COL10A1: variants seen among roughly 807,000 people sequenced by gnomAD.
COL10A1 encodes collagen alpha-1(X) chain.
A neutral mutation model predicts 18.2 loss-of-function variants in COL10A1; 10 were observed. The observed-to-expected ratio is 0.55, with a 90% CI of 0.34 to 0.93. The LOEUF (loss-of-function observed/expected upper bound fraction) is 0.93, where lower values mean the gene tolerates loss of function less well. COL10A1 is among the 40% of genes least tolerant of loss of function. The pLI is 0.02. For missense variants in COL10A1, 897 were observed against 853.5 expected, an observed-to-expected ratio of 1.05 and a Z score of -0.64; for synonymous variants, 330 against 316.6, an observed-to-expected ratio of 1.04 and a Z score of -0.45.
chr6:116,195,764 A>C, the COL10A1 span, among the ~76,000 whole-genome samples: 3 of 152,086 alleles, frequency 2.0e-5, no homozygotes, highest in African/African-American at 7.2e-5. Flanking sequence ...AACAATAGCA[A>C]CTAGTAGCAA....
At position 116,119,894 on chromosome 6, in the gene COL10A1, GT is replaced by G. The variant is rs1188724982; in HGVS notation, c.*178del. On this transcript the variant is annotated 3_prime_UTR_variant, in exon 3 of 3. Transcript: ENST00000651968. ...GAAATTCAAGAGAGGCTTCACATAC[GT>G]TTTTACGTTGCTGCTCACTTTTCAG... is the stretch of plus-strand genomic sequence containing the variant. The G allele has an allele frequency of 3.2e-6, 2 of 631,134 alleles. No individual in the cohort carries two copies. Among genetic ancestry groups the G allele is most frequent in the Non-Finnish European group, 5.5e-6 (2 of 361,142 alleles). The allele number at this position is 631,134 out of a possible 1,614,324, so 39.1% of individuals were successfully genotyped here. A position where few individuals can be genotyped will look rare whatever the true frequency, so the allele number is the denominator to read the frequency against.
upstream of COL10A1, among the ~76,000 whole-genome samples, chr6:116,161,650 G>A (rs1780332488): frequency 6.6e-6 from 1 of 152,188 alleles, no homozygotes; most frequent in Non-Finnish European, 1.5e-5. Flanking sequence ...GTAGTTTGAA[G>A]TCAGGTTATG....
In COL10A1 at chr6:116,121,306, T is replaced by C. The variant is rs925921200; in HGVS notation, c.810A>G (p.Gly270=). 6.2e-7 allele frequency: 1 copy of C among 1,613,824 alleles called. No homozygotes were observed. The change falls in exon 3 of 3, where the codon GGA becomes GGG. Residue 270 remains glycine (G), a synonymous_variant. Coordinates refer to ENST00000651968, the MANE Select transcript of COL10A1 (RefSeq NM_000493.4). The part of the protein sequence containing the change: ...PEGIGKPGAA[G]APGQPGIPGT... ...CTGGAATCCCTGGCTGGCCTGGGGC[T>C]CCAGCAGCTCCTGGCTTTCCAATGC...
the COL10A1 span, among the ~76,000 whole-genome samples, chr6:116,176,723 A>T: frequency 6.6e-6 from 1 of 152,050 alleles, no homozygotes; most frequent in Non-Finnish European, 1.5e-5. Context: ...CCAGCTGCTT[A>T]AGCCTTTTGT....
At chr6:116,177,721 T>G in the COL10A1 span, among the ~76,000 whole-genome samples, 1 of 152,080 alleles carries the variant, frequency 6.6e-6, no homozygotes, top group African/African-American at 2.4e-5. Flanking sequence ...TATTACTAAA[T>G]AATCTAAGTA....
intron 1 of COL10A1, among the ~76,000 whole-genome samples, chr6:116,152,142 C>T (rs1010126514): frequency 1.3e-5 from 2 of 152,052 alleles, no homozygotes; most frequent in African/African-American, 2.4e-5. Context: ...GGATGCAGTG[C>T]CTTCGTTTTC....
chr6:116,169,762 A>G, the COL10A1 span, among the ~76,000 whole-genome samples: 2 of 152,228 alleles, frequency 1.3e-5, no homozygotes, highest in Non-Finnish European at 2.9e-5. Context: ...GGACAATTGG[A>G]CAGACATTTG....
chr6:116,167,889 T>G, the COL10A1 span, among the ~76,000 whole-genome samples: 6 of 152,206 alleles, frequency 3.9e-5, no homozygotes, highest in East Asian at 9.6e-4. Context: ...TATTTCACTT[T>G]CATTCTTAGA....
chr6:116,156,970 A>G (rs1389584644), intron 1 of COL10A1, among the ~76,000 whole-genome samples: 1 of 151,944 alleles, frequency 6.6e-6, no homozygotes, highest in Non-Finnish European at 1.5e-5. Flanking sequence ...GGCCTGCTGC[A>G]TTTTCCTCAT....
rs780425615 is a variant in COL10A1 at position 116,121,970 on chromosome 6, C to T, written c.155-9G>A. ...TCCTCTTACTGCTATACCTAAAAGA[C>T]ACACCCAACACACCCACCCATAGAA... is the stretch of plus-strand genomic sequence containing the variant. On this transcript the variant is annotated splice_polypyrimidine_tract_variant and intron_variant, in intron 2 of 2. Transcript: ENST00000651968. 6.2e-7 allele frequency: 1 copy of T among 1,605,552 alleles called. No individual in the cohort carries two copies. Among genetic ancestry groups the T allele is most frequent in the Non-Finnish European group, 8.5e-7 (1 of 1,176,448 alleles).
intron 1 of COL10A1, among the ~76,000 whole-genome samples, chr6:116,153,818 G>A (rs1409548710): frequency 6.6e-6 from 1 of 152,030 alleles, no homozygotes; most frequent in East Asian, 1.9e-4. Flanking sequence ...ACTGAGTATT[G>A]TTTCCTTACC....
At chr6:116,172,903 C>T in the COL10A1 span, among the ~76,000 whole-genome samples, 1 of 152,064 alleles carries the variant, frequency 6.6e-6, no homozygotes, top group Non-Finnish European at 1.5e-5. Context: ...ATTCTTTTTG[C>T]AGGCACTTTT....
chr6:116,169,261 G>A, the COL10A1 span, among the ~76,000 whole-genome samples: 2 of 152,088 alleles, frequency 1.3e-5, no homozygotes, highest in South Asian at 2.1e-4. Flanking sequence ...TTTAAAGTTT[G>A]TTTAACTTTT....
chr6:116,172,667 T>A, the COL10A1 span, among the ~76,000 whole-genome samples: 1 of 152,192 alleles, frequency 6.6e-6, no homozygotes, highest in East Asian at 1.9e-4. Flanking sequence ...TTATGTTTTC[T>A]CTGTATAGCA....
chr6:116,192,989 A>T, the COL10A1 span, among the ~76,000 whole-genome samples: 5 of 152,058 alleles, frequency 3.3e-5, no homozygotes, highest in African/African-American at 1.2e-4. Context: ...TATGAGATAT[A>T]CTTAGTTTGT....
chr6:116,167,850 A>G, the COL10A1 span, among the ~76,000 whole-genome samples: 1 of 152,058 alleles, frequency 6.6e-6, no homozygotes, highest in African/African-American at 2.4e-5. Context: ...ATATCTGTGT[A>G]TTGGATGTTG....
chr6:116,130,457 T>A (rs1182170484), upstream of COL10A1, among the ~76,000 whole-genome samples: 1 of 152,034 alleles, frequency 6.6e-6, no homozygotes, highest in Non-Finnish European at 1.5e-5. Flanking sequence ...TAGTTTTTTT[T>A]ATAGCTTCTT....
chr6:116,194,364 T>C, the COL10A1 span, among the ~76,000 whole-genome samples: 1 of 152,112 alleles, frequency 6.6e-6, no homozygotes, highest in African/African-American at 2.4e-5. Context: ...TATTTACCTT[T>C]AATTTTTAGG....
the COL10A1 span, among the ~76,000 whole-genome samples, chr6:116,165,707 G>A: frequency 2.0e-5 from 3 of 152,176 alleles, no homozygotes; most frequent in Admixed American, 6.5e-5. Flanking sequence ...GTCCCAAGGG[G>A]GTTCTTAGTG....
Sources: allele counts gnomAD v4.1 joint callset (sites outside exome capture counted in the v4.1 genomes callset), GRCh38; gene constraint gnomAD v4.1.1; transcripts MANE v1.5; gene names NCBI Gene and HGNC (gene_info 2026-07-23, HGNC 2026-07-21).